The following IGSF21 variants were observed in gnomAD, a reference collection of about 807,000 sequenced individuals.
The protein encoded by IGSF21 is immunoglobin superfamily member 21.
A neutral mutation model predicts 46.8 loss-of-function variants in IGSF21; 28 were observed. The ratio of observed to expected loss-of-function variants is 0.60; its 90% confidence interval spans 0.44 to 0.82. The LOEUF is 0.82. Ranked by LOEUF, IGSF21 falls within the 40% of genes least tolerant of loss-of-function variation. The pLI is 0.00. For missense variants in IGSF21, 624 were observed against 665.5 expected (o/e 0.94, Z 0.69); for synonymous variants, 284 against 273.6 (o/e 1.04, Z -0.38).
intron 4 of IGSF21, among the ~76,000 whole-genome samples, chr1:18,349,485 G>A (rs1489304247): frequency 6.6e-6 from 1 of 152,154 alleles, no homozygotes; most frequent in Non-Finnish European, 1.5e-5. Flanking sequence ...CTGGTGAAGA[G>A]ATAGGACAGG....
intron 2 of IGSF21, among the ~76,000 whole-genome samples, chr1:18,283,021 G>A (rs1182043997): frequency 6.6e-6 from 1 of 152,106 alleles, no homozygotes; most frequent in Non-Finnish European, 1.5e-5. Context: ...GCTCACCCAC[G>A]CAGGATGGGG....
chr1:18,279,413 G>A (rs2085136569), intron 2 of IGSF21, among the ~76,000 whole-genome samples: 1 of 152,210 alleles, frequency 6.6e-6, no homozygotes, highest in Non-Finnish European at 1.5e-5. Flanking sequence ...GAAGCAATGA[G>A]TAGGGCCTGC....
Position 18,337,317 on chromosome 1 carries a change from C to T in IGSF21, c.424+2307C>T, listed in dbSNP as rs927954024. Among the ~76,000 whole-genome samples, 1 of 152,140 alleles carries T rather than the reference C, an allele frequency of 6.6e-6. No individual in the cohort carries two copies. Among genetic ancestry groups the T allele is most frequent in the Non-Finnish European group, 1.5e-5 (1 of 67,988 alleles). Reference sequence around the variant, plus strand: ...TGTAAAACAGGGATAAGGATGCTTCCCTCCTAGGGTGGCTGTGAGGCTTAA... The same window carrying T: ...TGTAAAACAGGGATAAGGATGCTTCTCTCCTAGGGTGGCTGTGAGGCTTAA... On this transcript the variant is annotated intron_variant, in intron 4 of 9. Coordinates refer to ENST00000251296, the MANE Select transcript of IGSF21 (RefSeq NM_032880.5). The surrounding 1 kb of genome is among the most constrained non-coding windows in gnomAD (Gnocchi z 5.7).
rs2085755385 is a variant in IGSF21 at position 18,335,281 on chromosome 1, A to G, written c.424+271A>G. 6.6e-6 allele frequency among the ~76,000 whole-genome samples: 1 copy of G among 152,200 alleles called. No individual in the cohort carries two copies. Among genetic ancestry groups the G allele is most frequent in the South Asian group, 2.1e-4 (1 of 4,832 alleles). On this transcript the variant is annotated intron_variant, in intron 4 of 9. Transcript: ENST00000251296. This position sits in a 1 kb window ranked among gnomAD's most constrained non-coding sequence, Gnocchi z 4.8. Reference sequence around the variant, plus strand: ...CCAACAGGACCCTCCCCAGGGAGTGAAGGATAGCACCTCAGCCGAGATGCA... The same window carrying G: ...CCAACAGGACCCTCCCCAGGGAGTGGAGGATAGCACCTCAGCCGAGATGCA...
chr1:18,344,507 C>A (rs1218544361), intron 4 of IGSF21, among the ~76,000 whole-genome samples: 1 of 152,084 alleles, frequency 6.6e-6, no homozygotes, highest in Non-Finnish European at 1.5e-5. Flanking sequence ...TAGGCCTGAG[C>A]AAAACAGAAG....
chr1:18,219,986 G>T (rs1018223979), intron 1 of IGSF21, among the ~76,000 whole-genome samples: 31 of 152,204 alleles, frequency 2.0e-4, no homozygotes, highest in African/African-American at 7.5e-4. Flanking sequence ...TCAGCTCACT[G>T]TGACCAGGAG....
At chr1:18,280,590 G>A (rs2085149385) in intron 2 of IGSF21, among the ~76,000 whole-genome samples, 1 of 152,146 alleles carries the variant, frequency 6.6e-6, no homozygotes, top group African/African-American at 2.4e-5. Context: ...CACCCTAGAT[G>A]GTGGTGCTAT....
At chr1:18,115,897 GA>G (rs2086185535) in intron 1 of IGSF21, 1 of 90,312 alleles carries the variant, frequency 1.1e-5, no homozygotes, top group Non-Finnish European at 2.2e-5. Flanking sequence ...AAGAAAGAAA[GA>G]AAGAAGGAGA....
intron 1 of IGSF21, among the ~76,000 whole-genome samples, chr1:18,175,422 C>T (rs915696445): frequency 3.9e-5 from 6 of 152,142 alleles, no homozygotes; most frequent in African/African-American, 4.8e-5. Flanking sequence ...CGCAGACAGC[C>T]GGGAGGAAAC....
intron 2 of IGSF21, among the ~76,000 whole-genome samples, chr1:18,234,668 T>G (rs1243760468): frequency 6.6e-6 from 1 of 152,082 alleles, no homozygotes; most frequent in Non-Finnish European, 1.5e-5. Flanking sequence ...AAATGCCAGG[T>G]GCTTATAAAA....
intron 2 of IGSF21, among the ~76,000 whole-genome samples, chr1:18,272,871 CA>C (rs1327455515): frequency 6.6e-6 from 1 of 152,062 alleles, no homozygotes; most frequent in Non-Finnish European, 1.5e-5. Flanking sequence ...CCTCAGATGA[CA>C]GAGATATGTG....
chr1:18,243,044 G>C (rs547572611), intron 2 of IGSF21, among the ~76,000 whole-genome samples: 6 of 152,200 alleles, frequency 3.9e-5, no homozygotes, highest in Non-Finnish European at 7.3e-5. Context: ...AGGAAGAGGG[G>C]AGGCAGGAGG....
chr1:18,138,352 C>A (rs2124422911), intron 1 of IGSF21, among the ~76,000 whole-genome samples: 1 of 152,258 alleles, frequency 6.6e-6, no homozygotes, highest in East Asian at 1.9e-4. Context: ...TAAGCAGGGA[C>A]CAGTGGGGTG....
intron 3 of IGSF21, among the ~76,000 whole-genome samples, chr1:18,305,546 T>TGATGGATGAATG (rs2085416273): frequency 2.4e-5 from 3 of 123,788 alleles, no homozygotes; most frequent in Admixed American, 2.4e-4. Context: ...GATGGATGGA[T>TGATGGATGAATG]GATGGATGGA....
chr1:18,378,315 G>T lies in IGSF21; in HGVS notation c.1393G>T (p.Glu465Ter). The T allele has an allele frequency of 3.1e-6, 5 of 1,613,546 alleles. No homozygotes were observed. The highest frequency in any genetic ancestry group is 3.4e-6 in the Non-Finnish European group (4 of 1,179,778). ...TLVLALTVIL[E>*]LT ...GGTGCTCGCCCTGACAGTGATTCTG[G>T]AGCTGACGTGAAGGCACCCGCCCCG... is the stretch of plus-strand genomic sequence containing the variant. Residue 465 changes from glutamate to a stop codon, truncating the protein, a stop_gained, in exon 10 of 10, where the codon GAG (glutamate) becomes TAG (stop). Transcript: ENST00000251296. LOFTEE classifies it high-confidence loss of function.
intron 1 of IGSF21, among the ~76,000 whole-genome samples, chr1:18,197,726 CTT>C (rs2087023089): frequency 6.6e-6 from 1 of 152,232 alleles, no homozygotes; most frequent in African/African-American, 2.4e-5. Context: ...GGGTATGTGA[CTT>C]TATCTATCTG....
In IGSF21 at chr1:18,378,274, G is replaced by C. The variant is rs745373657; in HGVS notation, c.1352G>C (p.Gly451Ala). The C allele has an allele frequency of 2.5e-5, 40 of 1,613,888 alleles. No individual in the cohort carries two copies. In the South Asian group the frequency reaches 4.3e-4, roughly 17 times the overall value. The change falls in exon 10 of 10, where the codon GGT (glycine) becomes GCT (alanine). Residue 451 changes from glycine to alanine, a missense_variant. Coordinates refer to ENST00000251296, the MANE Select transcript of IGSF21 (RefSeq NM_032880.5). ...GGCACAGGTTCCATTGGCCCCACTG[G>C]TGCCCGGCTCACCTTGGTGCTCGCC... Reference protein sequence around the residue: ...EDSNGSIGPTGARLTLVLALT... With the variant: ...EDSNGSIGPTAARLTLVLALT...
rs189569391 is a variant in IGSF21 at position 18,353,486 on chromosome 1, C to T, written c.425-8629C>T. On this transcript the variant is annotated intron_variant, in intron 4 of 9. Coordinates refer to ENST00000251296, the MANE Select transcript of IGSF21 (RefSeq NM_032880.5). Reference sequence around the variant, plus strand: ...AGAAGCCTTCCCTGACCTCGTGTTGCTTACATTCTAGTGAGGGTATCGGAG... The same window carrying T: ...AGAAGCCTTCCCTGACCTCGTGTTGTTTACATTCTAGTGAGGGTATCGGAG... Among the ~76,000 whole-genome samples, 426 of 152,248 alleles carry T rather than the reference C, an allele frequency of 2.8e-3. 7 individuals are homozygous for T. The highest frequency in any genetic ancestry group is 2.9e-3 in the Non-Finnish European group (195 of 68,022).
chr1:18,166,864 G>C (rs986169323), intron 1 of IGSF21: 1 of 153,118 alleles, frequency 6.5e-6, no homozygotes, highest in South Asian at 2.1e-4. Flanking sequence ...GTGGGAGAGG[G>C]CATTGCAGTG....
Sources: allele counts gnomAD v4.1 joint callset (sites outside exome capture counted in the v4.1 genomes callset), GRCh38; gene constraint gnomAD v4.1.1; non-coding constraint Gnocchi (gnomAD v3.1); transcripts MANE v1.5; gene names NCBI Gene and HGNC (gene_info 2026-07-23, HGNC 2026-07-21).